ABHD17C: variants seen among roughly 807,000 people sequenced by gnomAD.
ABHD17C encodes abhydrolase domain containing 17C, depalmitoylase, also known as alpha/beta hydrolase domain-containing protein 17C.
Under a neutral mutation model 27.9 loss-of-function variants are expected in ABHD17C, and 11 were observed. The ratio of observed to expected loss-of-function variants is 0.39; its 90% CI spans 0.25 to 0.65. The LOEUF (loss-of-function observed/expected upper bound fraction) is 0.65, where lower values mean the gene tolerates loss of function less well. ABHD17C is among the 30% of genes least tolerant of loss of function. The probability of loss-of-function intolerance (pLI) is 0.45; values close to 1 mark genes in which losing one functional copy is unlikely to be tolerated. For missense variants in ABHD17C, 280 were observed against 470.2 expected, an observed-to-expected ratio of 0.60 and a Z score of 3.74; for synonymous variants, 233 against 209.1, an observed-to-expected ratio of 1.11 and a Z score of -0.98.
At chr15:80,698,307 G>A (rs576581515) in intron 1 of ABHD17C, among the ~76,000 whole-genome samples, 2 of 151,866 alleles carry the variant, frequency 1.3e-5, no homozygotes, top group Admixed American at 6.6e-5. Context: ...CTCATAATCC[G>A]CCCACCTGGG....
At chr15:80,723,806 A>G (rs1251030233) in intron 1 of ABHD17C, among the ~76,000 whole-genome samples, 1 of 150,730 alleles carries the variant, frequency 6.6e-6, no homozygotes, top group Non-Finnish European at 1.5e-5. Flanking sequence ...AATCCGACCA[A>G]CCGCTGTGGC....
At chr15:80,717,685 T>G (rs1379352404) in intron 1 of ABHD17C, among the ~76,000 whole-genome samples, 1 of 152,198 alleles carries the variant, frequency 6.6e-6, no homozygotes, top group African/African-American at 2.4e-5. Flanking sequence ...TGTGCCCAGC[T>G]GCAAAATGCA....
chr15:80,728,657 A>G (rs1895016133), intron 1 of ABHD17C, among the ~76,000 whole-genome samples: 1 of 152,242 alleles, frequency 6.6e-6, no homozygotes, highest in Non-Finnish European at 1.5e-5. Flanking sequence ...TAAGTCGATG[A>G]AACCAGGTAA....
At chr15:80,712,390 G>A (rs533270723) in intron 1 of ABHD17C, among the ~76,000 whole-genome samples, 3 of 152,230 alleles carry the variant, frequency 2.0e-5, no homozygotes, top group Non-Finnish European at 4.4e-5. Context: ...TCCTGCTGAG[G>A]TTCCTCTCTA....
chr15:80,719,883 C>T (rs1009206376), intron 1 of ABHD17C, among the ~76,000 whole-genome samples: 10 of 152,116 alleles, frequency 6.6e-5, no homozygotes, highest in African/African-American at 2.4e-4. Flanking sequence ...CTGCAGCCTC[C>T]GCCTCCCAGG....
At chr15:80,731,467 GTCA>G (rs900056898) in intron 1 of ABHD17C, among the ~76,000 whole-genome samples, 1 of 152,140 alleles carries the variant, frequency 6.6e-6, no homozygotes, top group Non-Finnish European at 1.5e-5. Context: ...TGACAGGGAA[GTCA>G]TCATCATGTT....
In ABHD17C at chr15:80,750,819, G is replaced by A. The variant is rs182498660; in HGVS notation, c.770+1127G>A. ...ATGAGAGGCCAGTTTGCTGAAAGAC[G>A]GATACTTAGCATGTTTGTGGGAAGC... On this transcript the variant is annotated intron_variant, in intron 2 of 2. Transcript: ENST00000258884. 2.6e-5 allele frequency among the ~76,000 whole-genome samples: 4 copies of A among 152,136 alleles called. No homozygotes were observed. In the East Asian group the frequency reaches 7.7e-4, roughly 29 times the overall value.
At chr15:80,734,682 A>G (rs780870884) in intron 1 of ABHD17C, among the ~76,000 whole-genome samples, 5 of 152,204 alleles carry the variant, frequency 3.3e-5, no homozygotes, top group Non-Finnish European at 5.9e-5. Flanking sequence ...GGTAGGAGAG[A>G]ATAGTCTTGA....
At chr15:80,726,713 CGTGTTAGTCAGG>C (rs1567035189) in intron 1 of ABHD17C, among the ~76,000 whole-genome samples, 6 of 151,878 alleles carry the variant, frequency 4.0e-5, no homozygotes, top group East Asian at 3.9e-4. Flanking sequence ...GGGGTTTCAC[CGTGTTAGTCAGG>C]ATGGTTAGTC....
At chr15:80,723,138 ATGTG>A (rs57751486) in intron 1 of ABHD17C, among the ~76,000 whole-genome samples, 62 of 125,022 alleles carry the variant, frequency 5.0e-4, no homozygotes, top group African/African-American at 2.2e-3. Context: ...GTGTGTATAT[ATGTG>A]TGTGTGTGTG....
intron 1 of ABHD17C, among the ~76,000 whole-genome samples, chr15:80,719,055 A>T (rs546546541): frequency 6.6e-6 from 1 of 152,372 alleles, no homozygotes; most frequent in East Asian, 1.9e-4. Flanking sequence ...AGGATATACC[A>T]GCCTTCCAGT....
intron 1 of ABHD17C, among the ~76,000 whole-genome samples, chr15:80,708,129 C>T (rs943280209): frequency 1.3e-5 from 2 of 152,074 alleles, no homozygotes; most frequent in Non-Finnish European, 2.9e-5. Flanking sequence ...TCTGTGGTCC[C>T]TTTCTCTTCT....
intron 1 of ABHD17C, among the ~76,000 whole-genome samples, chr15:80,726,528 T>TGAGACGGAGCCTTGCTC (rs1894980084): frequency 1.0e-5 from 1 of 96,912 alleles, no homozygotes; most frequent in African/African-American, 3.0e-5. Flanking sequence ...TTTTTTTTTT[T>TGAGACGGAGCCTTGCTC]TGAGACGGAG....
chr15:80,723,198 C>A (rs1471673636), intron 1 of ABHD17C, among the ~76,000 whole-genome samples: 1 of 150,142 alleles, frequency 6.7e-6, no homozygotes, highest in East Asian at 2.0e-4. Context: ...ACAAAGGAAT[C>A]TTTTAAATTC....
intron 1 of ABHD17C, among the ~76,000 whole-genome samples, chr15:80,701,351 G>A (rs537810596): frequency 3.7e-4 from 56 of 152,176 alleles, no homozygotes; most frequent in South Asian, 2.7e-3. Context: ...AAAGCTTAGA[G>A]TTTCTGCTTG....
At chr15:80,709,316 C>G (rs866944665) in intron 1 of ABHD17C, among the ~76,000 whole-genome samples, 4 of 151,902 alleles carry the variant, frequency 2.6e-5, no homozygotes, top group Admixed American at 6.5e-5. Flanking sequence ...TGGTGATACC[C>G]CATCTCTACC....
chr15:80,704,357 G>C (rs947158396), intron 1 of ABHD17C, among the ~76,000 whole-genome samples: 1 of 151,964 alleles, frequency 6.6e-6, no homozygotes, highest in African/African-American at 2.4e-5. Flanking sequence ...GCACATCACT[G>C]TGGCCCACCC....
chr15:80,754,334 A>G lies in ABHD17C; in HGVS notation c.954A>G (p.Leu318=). The change falls in exon 3 of 3, where the codon CTA becomes CTG. Residue 318 remains leucine (L), a synonymous_variant. Transcript: ENST00000258884. ...TTTATGCACAATACCTAGAAAGACT[A>G]AAACAGTTCATATCTCACGAACTTC... ...IELYAQYLER[L]KQFISHELPN... The G allele has an allele frequency of 1.2e-6, 2 of 1,613,854 alleles. No individual in the cohort carries two copies. The highest frequency in any genetic ancestry group is 1.1e-5 in the South Asian group (1 of 91,062).
chr15:80,721,553 A>G (rs566027682), intron 1 of ABHD17C, among the ~76,000 whole-genome samples: 47 of 152,334 alleles, frequency 3.1e-4, no homozygotes, highest in African/African-American at 1.1e-3. Context: ...GTACTTTTAG[A>G]ATTGTGCCAG....
Sources: allele counts gnomAD v4.1 joint callset (sites outside exome capture counted in the v4.1 genomes callset), GRCh38; gene constraint gnomAD v4.1.1; transcripts MANE v1.5; gene names NCBI Gene and HGNC (gene_info 2026-07-23, HGNC 2026-07-21).